Variants in KCNG3 observed in about 807,000 individuals in gnomAD.
KCNG3 encodes the protein voltage-gated potassium channel regulatory subunit KCNG3.
KCNG3 carries 15 observed loss-of-function variants against 29.0 expected under a neutral mutation model. That is an observed-to-expected ratio of 0.52 (90% CI 0.35 to 0.80). The LOEUF is 0.80. KCNG3 is among the 30% of genes least tolerant of loss of function. KCNG3 has a pLI of 0.01. For synonymous variants in KCNG3, 322 were observed against 248.9 expected (o/e 1.29, Z -2.76); for missense variants, 512 against 605.7 (o/e 0.85, Z 1.62).
Position 42,493,035 on chromosome 2 carries a change from C to A in KCNG3, c.467G>T (p.Arg156Leu). The A allele has an allele frequency of 6.6e-7, 1 of 1,517,962 alleles. No individual in the cohort carries two copies. The highest frequency in any genetic ancestry group is 1.4e-5 in the African/African-American group (1 of 70,502). 94.0% of individuals were successfully genotyped at this position (1,517,962 alleles called of 1,614,324 possible). A position where few individuals can be genotyped will look rare whatever the true frequency, so the allele number is the denominator to read the frequency against. ...GGGCTCCTCGAAGGTCCGCCGCATG[C>A]GCTCCAGCCAGCGCCTGGAGGGAGC... ...EAAPSRRWLE[R>L]MRRTFEEPTS... Residue 156 changes from arginine to leucine, a missense_variant, in exon 1 of 2, where the codon CGC becomes CTC. Physicochemically the swap from Arg to Leu is moderately radical, Grantham distance 102. This residue lies in a region of KCNG3 where 228 missense variants were observed against 200.0 expected (regional missense o/e 1.14). Transcript: ENST00000306078.
intron 1 of KCNG3, among the ~76,000 whole-genome samples, chr2:42,453,137 G>C (rs577366351): frequency 2.0e-5 from 3 of 152,292 alleles, no homozygotes; most frequent in East Asian, 3.9e-4. Flanking sequence ...AACATGAATA[G>C]TGCTGTAACA....
intron 1 of KCNG3, among the ~76,000 whole-genome samples, chr2:42,485,313 AAAC>A (rs1407306110): frequency 6.6e-6 from 1 of 152,242 alleles, no homozygotes; most frequent in Non-Finnish European, 1.5e-5. Context: ...TTTAAAACTC[AAAC>A]AAGAACACTT....
chr2:42,474,321 A>G (rs1159520127), intron 1 of KCNG3, among the ~76,000 whole-genome samples: 1 of 152,012 alleles, frequency 6.6e-6, no homozygotes, highest in Non-Finnish European at 1.5e-5. Context: ...TGAGTTCAGG[A>G]GTTCGAGACC....
intron 1 of KCNG3, among the ~76,000 whole-genome samples, chr2:42,461,182 C>CAAAAAAAAAAAAAA (rs34199989): frequency 3.5e-4 from 20 of 56,418 alleles, no homozygotes; most frequent in African/African-American, 9.2e-4. Context: ...CAAAACAAAA[C>CAAAAAAAAAAAAAA]AAAAAAAAAA....
chr2:42,473,004 C>T lies in KCNG3; in HGVS notation c.665+19833G>A, dbSNP rs967878386. 2.0e-5 allele frequency among the ~76,000 whole-genome samples: 3 copies of T among 146,514 alleles called. No individual in the cohort carries two copies. The East Asian group carries it at 6.3e-4, about 31-fold the overall frequency. On this transcript the variant is annotated intron_variant, in intron 1 of 1. Coordinates refer to ENST00000306078, the MANE Select transcript of KCNG3 (RefSeq NM_133329.6). Reference sequence around the variant, plus strand: ...GCAAGCTCCGCCTCCCAGGTTCACGCTATTCTCCTGCCTCAGCCTCCCAAG... The same window carrying T: ...GCAAGCTCCGCCTCCCAGGTTCACGTTATTCTCCTGCCTCAGCCTCCCAAG...
the KCNG3 span, among the ~76,000 whole-genome samples, chr2:42,420,132 G>A: frequency 2.0e-5 from 3 of 152,170 alleles, no homozygotes; most frequent in South Asian, 4.1e-4. Context: ...GCTGAGGCAG[G>A]AGAATCGCTT....
chr2:42,492,989 C>T lies in KCNG3; in HGVS notation c.513G>A (p.Gln171=). 6.5e-7 allele frequency: 1 copy of T among 1,541,866 alleles called. No individual in the cohort carries two copies. Among genetic ancestry groups the T allele is most frequent in the Non-Finnish European group, 8.7e-7 (1 of 1,147,732 alleles). The stretch of plus-strand genomic sequence containing the variant: ...ACACCACCGACACGCTAGCCAGGAT[C>T]TGCGCGGCCAGCGACGACGTGGGCT... ...FEEPTSSLAA[Q]ILASVSVVFV... Residue 171 remains glutamine (Q), a synonymous_variant, in exon 1 of 2, where the codon CAG becomes CAA. Coordinates refer to ENST00000306078, the MANE Select transcript of KCNG3 (RefSeq NM_133329.6).
chr2:42,487,412 T>A (rs1157669628), intron 1 of KCNG3, among the ~76,000 whole-genome samples: 2 of 146,408 alleles, frequency 1.4e-5, no homozygotes, highest in Non-Finnish European at 3.0e-5. Context: ...TGGCGTGAGC[T>A]CAGCTCACTG....
chr2:42,412,237 A>AT, the KCNG3 span, among the ~76,000 whole-genome samples: 1 of 152,228 alleles, frequency 6.6e-6, no homozygotes, highest in Non-Finnish European at 1.5e-5. Flanking sequence ...ATCTTCTAAA[A>AT]TTTTATCTAA....
chr2:42,449,665 G>A (rs191294155), intron 1 of KCNG3, among the ~76,000 whole-genome samples: 2 of 151,778 alleles, frequency 1.3e-5, no homozygotes, highest in African/African-American at 4.8e-5. Context: ...TTACAGGCGC[G>A]CACCACCACA....
At chr2:42,409,204 C>G in the KCNG3 span, among the ~76,000 whole-genome samples, 1 of 151,984 alleles carries the variant, frequency 6.6e-6, no homozygotes, top group African/African-American at 2.4e-5. Flanking sequence ...TGAAATGACT[C>G]CAGCGGGCCC....
the KCNG3 span, among the ~76,000 whole-genome samples, chr2:42,433,774 G>C: frequency 6.6e-6 from 1 of 152,012 alleles, no homozygotes; most frequent in Non-Finnish European, 1.5e-5. Flanking sequence ...ACAATTGGCT[G>C]AAGGACCAGA....
chr2:42,409,020 C>A, the KCNG3 span, among the ~76,000 whole-genome samples: 1 of 152,130 alleles, frequency 6.6e-6, no homozygotes, highest in Non-Finnish European at 1.5e-5. Context: ...AGTGCCTGTG[C>A]TGGCACCTGG....
chr2:42,398,148 A>C, the KCNG3 span, among the ~76,000 whole-genome samples: 5 of 152,078 alleles, frequency 3.3e-5, no homozygotes, highest in African/African-American at 1.2e-4. Context: ...GCGTGATCCC[A>C]GGAGGCGGAG....
chr2:42,412,140 G>T, the KCNG3 span, among the ~76,000 whole-genome samples: 4 of 152,188 alleles, frequency 2.6e-5, no homozygotes, highest in East Asian at 7.7e-4. Context: ...GGTGGCAGCA[G>T]CAGTGACAGC....
the KCNG3 span, among the ~76,000 whole-genome samples, chr2:42,400,794 T>C: frequency 8.5e-5 from 13 of 152,124 alleles, no homozygotes; most frequent in African/African-American, 2.9e-4. Flanking sequence ...GTTTTTTTTT[T>C]CCCCTATGGT....
rs757498714 is a variant in KCNG3 at position 42,444,182 on chromosome 2, T to C, written c.1063A>G (p.Lys355Glu). The C allele has an allele frequency of 5.0e-6, 8 of 1,614,158 alleles. No homozygotes were observed. The highest frequency in any genetic ancestry group is 6.8e-6 in the Non-Finnish European group (8 of 1,180,038). Reference protein sequence around the residue: ...EHGLDLETSNKDFTSIPAACW... With the variant: ...EHGLDLETSNEDFTSIPAACW... ...GCAGCAGGAATGCTGGTAAAGTCCT[T>C]GTTGGATGTTTCCAGGTCCAGCCCA... Residue 355 changes from lysine to glutamate, a missense_variant, in exon 2 of 2, where the codon AAG (lysine) becomes GAG (glutamate). By Grantham distance (56) the Lys-to-Glu change is moderately conservative (BLOSUM62 1). Transcript: ENST00000306078. This position sits in a 1 kb window ranked among gnomAD's most constrained non-coding sequence, Gnocchi z 5.8.
the KCNG3 span, among the ~76,000 whole-genome samples, chr2:42,430,179 C>T: frequency 4.6e-5 from 7 of 151,878 alleles, no homozygotes; most frequent in African/African-American, 1.7e-4. Flanking sequence ...CCAGCCTGGG[C>T]AACACAGTGA....
the KCNG3 span, chr2:42,425,014 A>G: frequency 6.6e-6 from 1 of 152,186 alleles, no homozygotes; most frequent in African/African-American, 2.4e-5. Context: ...CAATCAGGAC[A>G]AGGGCCTCTG....
Sources: allele counts gnomAD v4.1 joint callset (sites outside exome capture counted in the v4.1 genomes callset), GRCh38; gene constraint gnomAD v4.1.1; regional missense constraint gnomAD v4.1.1; non-coding constraint Gnocchi (gnomAD v3.1); transcripts MANE v1.5; gene names NCBI Gene and HGNC (gene_info 2026-07-23, HGNC 2026-07-21).